RNF180: variants seen among roughly 807,000 people sequenced by gnomAD.
The protein encoded by RNF180 is ring finger protein 180.
RNF180 carries 38 observed loss-of-function variants against 59.2 expected under a neutral mutation model. That is an observed-to-expected ratio of 0.64 (90% CI 0.50 to 0.84). RNF180 has a LOEUF of 0.84. RNF180 is among the 40% of genes least tolerant of loss of function. The probability of loss-of-function intolerance (pLI) is 0.00; values close to 1 mark genes in which losing one functional copy is unlikely to be tolerated. For missense variants in RNF180, 705 were observed against 700.9 expected (o/e 1.01, Z -0.07); for synonymous variants, 262 against 240.3 (o/e 1.09, Z -0.84).
chr5:64,183,749 A>C (rs1400187347), intron 1 of RNF180, among the ~76,000 whole-genome samples: 3 of 152,196 alleles, frequency 2.0e-5, no homozygotes, highest in Admixed American at 6.5e-5. Flanking sequence ...TTCCCAGTCA[A>C]AAAGTATACA....
intron 1 of RNF180, among the ~76,000 whole-genome samples, chr5:64,185,375 T>C (rs748199912): frequency 2.6e-5 from 4 of 152,210 alleles, no homozygotes; most frequent in Non-Finnish European, 4.4e-5. Flanking sequence ...CTGCTTTATC[T>C]CATTTTTCTT....
At chr5:64,189,322 T>G (rs1481194203) in intron 1 of RNF180, among the ~76,000 whole-genome samples, 1 of 152,178 alleles carries the variant, frequency 6.6e-6, no homozygotes, top group Non-Finnish European at 1.5e-5. Flanking sequence ...TGGAAGAGTT[T>G]TGATGCCTCT....
rs1341709196 is a variant in RNF180 at position 64,214,369 on chromosome 5, AG to A, written c.1045del (p.Glu349LysfsTer32). On this transcript the variant is annotated frameshift_variant, in exon 4 of 8. Coordinates refer to ENST00000389100, the MANE Select transcript of RNF180 (RefSeq NM_001113561.2). LOFTEE classifies it high-confidence loss of function. ...AGGAGCATGCCGGAGGCCTCAGACC[AG>A]GAAGAGCACCTCTCCCCTCTGGACT... ...AGRSMPEASD[Q>X]EEHLSPLDFL... 1.2e-6 allele frequency: 2 copies of A among 1,613,986 alleles called. No individual in the cohort carries two copies. Among genetic ancestry groups the A allele is most frequent in the Non-Finnish European group, 1.7e-6 (2 of 1,180,014 alleles).
rs370660214 is a variant in RNF180 at position 64,174,959 on chromosome 5, C to CTTTTTTT, written c.-1+9026_-1+9032dup. Among the ~76,000 whole-genome samples, 50 of 84,748 alleles carry CTTTTTTT rather than the reference C, an allele frequency of 5.9e-4. 5 individuals carry two copies. Among genetic ancestry groups the CTTTTTTT allele is most frequent in the African/African-American group, 2.3e-3 (47 of 20,286 alleles). 55.6% of individuals were successfully genotyped at this position (84,748 alleles called of 152,430 possible). On this transcript the variant is annotated intron_variant, in intron 1 of 7. Coordinates refer to ENST00000389100, the MANE Select transcript of RNF180 (RefSeq NM_001113561.2). ...TTACATTTAAGTCTTTAATCCAGTT[C>CTTTTTTT]TTTTTTTTTTTTTTTTTTTTTTTTT...
chr5:64,354,501 T>C (rs560592981), intron 7 of RNF180, among the ~76,000 whole-genome samples: 5 of 151,866 alleles, frequency 3.3e-5, no homozygotes, highest in African/African-American at 1.2e-4. Context: ...ATAGCTTCAC[T>C]GATGAATTCT....
chr5:64,273,692 A>G (rs181713288), intron 5 of RNF180, among the ~76,000 whole-genome samples: 5 of 152,184 alleles, frequency 3.3e-5, no homozygotes, highest in Admixed American at 3.3e-4. Context: ...TAAGAAAAAA[A>G]GTACAGGCAA....
intron 7 of RNF180, among the ~76,000 whole-genome samples, chr5:64,360,166 C>G (rs938389659): frequency 1.9e-4 from 29 of 151,646 alleles, no homozygotes; most frequent in Non-Finnish European, 3.2e-4. Context: ...TTCCAATTCT[C>G]TGAAGAAAGG....
chr5:64,271,506 T>TA (rs1370890398), intron 5 of RNF180, among the ~76,000 whole-genome samples: 1 of 152,088 alleles, frequency 6.6e-6, no homozygotes, highest in African/African-American at 2.4e-5. Context: ...AGCAATAGGC[T>TA]ATATCATATA....
intron 5 of RNF180, among the ~76,000 whole-genome samples, chr5:64,261,436 T>C (rs1360486781): frequency 6.6e-6 from 1 of 152,190 alleles, no homozygotes; most frequent in Non-Finnish European, 1.5e-5. Flanking sequence ...GAAATTGGAC[T>C]GGGTTAAAGA....
At chr5:64,242,210 GC>G (rs2112240153) in intron 5 of RNF180, among the ~76,000 whole-genome samples, 1 of 152,300 alleles carries the variant, frequency 6.6e-6, no homozygotes, top group Non-Finnish European at 1.5e-5. Flanking sequence ...GATCGTGGCT[GC>G]TTCTGGCACC....
At position 64,301,701 on chromosome 5, in the gene RNF180, A is replaced by ATGTGTGTGTGTGTGTGTGTGTG. The variant is rs3069547; in HGVS notation, c.1228-23483_1228-23462dup. ...TATATTTGTTGTATGCCACATCAGA[A>ATGTGTGTGTGTGTGTGTGTGTG]TGTGTGTGTGTGTGTGTGTGTGTAT... is the stretch of plus-strand genomic sequence containing the variant. On this transcript the variant is annotated intron_variant, in intron 5 of 7. Coordinates refer to ENST00000389100, the MANE Select transcript of RNF180 (RefSeq NM_001113561.2). 7.8e-3 allele frequency among the ~76,000 whole-genome samples: 1,164 copies of ATGTGTGTGTGTGTGTGTGTGTG among 148,686 alleles called. 12 individuals carry two copies. The highest frequency in any genetic ancestry group is 0.027 in the African/African-American group (1,108 of 40,722).
chr5:64,189,239 G>A (rs1579959706), intron 1 of RNF180, among the ~76,000 whole-genome samples: 2 of 152,018 alleles, frequency 1.3e-5, no homozygotes, highest in African/African-American at 4.8e-5. Flanking sequence ...TTTTGGTACT[G>A]TGAATTGGTA....
At position 64,171,849 on chromosome 5, in the gene RNF180, C is replaced by G. The variant is rs73761474; in HGVS notation, c.-1+5896C>G. ...AGAGGCCTTCTCCACCCCGCCCCCC[C>G]ACCAATAACTAACAGCATCTGGGTA... On this transcript the variant is annotated intron_variant, in intron 1 of 7. Transcript: ENST00000389100. 9.7e-3 allele frequency among the ~76,000 whole-genome samples: 1,479 copies of G among 152,180 alleles called. 20 individuals are homozygous for G. The highest frequency in any genetic ancestry group is 0.033 in the African/African-American group (1,364 of 41,526).
intron 1 of RNF180, among the ~76,000 whole-genome samples, chr5:64,174,999 G>C (rs534649328): frequency 3.3e-5 from 4 of 120,190 alleles, no homozygotes; most frequent in Non-Finnish European, 6.4e-5. Context: ...ACGGAGTCTC[G>C]CTCTGTCCCC....
chr5:64,288,726 T>A (rs1012597696), intron 5 of RNF180, among the ~76,000 whole-genome samples: 2 of 152,166 alleles, frequency 1.3e-5, no homozygotes, highest in Admixed American at 1.3e-4. Context: ...ATGCTAGTGA[T>A]TTTTGCACAG....
chr5:64,273,650 G>C (rs748525078), intron 5 of RNF180, among the ~76,000 whole-genome samples: 1 of 151,948 alleles, frequency 6.6e-6, no homozygotes, highest in Non-Finnish European at 1.5e-5. Flanking sequence ...AGCAGAAAGT[G>C]GGTTGAAGAA....
At chr5:64,293,398 G>A (rs1001236239) in intron 5 of RNF180, among the ~76,000 whole-genome samples, 5 of 152,060 alleles carry the variant, frequency 3.3e-5, no homozygotes, top group African/African-American at 7.2e-5. Flanking sequence ...GCCACGGACC[G>A]CAGCTGCTTC....
intron 5 of RNF180, among the ~76,000 whole-genome samples, chr5:64,227,924 A>G (rs1741873517): frequency 6.6e-6 from 1 of 152,104 alleles, no homozygotes; most frequent in Non-Finnish European, 1.5e-5. Context: ...GCCCTTACCC[A>G]TTTTTAAAAC....
intron 5 of RNF180, among the ~76,000 whole-genome samples, chr5:64,290,697 C>T (rs967814718): frequency 2.0e-4 from 30 of 151,870 alleles, no homozygotes; most frequent in African/African-American, 6.1e-4. Flanking sequence ...GGACTGCAAC[C>T]CCTGCCTTTT....
Sources: allele counts gnomAD v4.1 joint callset (sites outside exome capture counted in the v4.1 genomes callset), GRCh38; gene constraint gnomAD v4.1.1; transcripts MANE v1.5; gene names NCBI Gene and HGNC (gene_info 2026-07-23, HGNC 2026-07-21).